The following ATP2C2 variants were observed in gnomAD, a reference collection of about 807,000 sequenced individuals.
ATP2C2 encodes calcium-transporting ATPase type 2C member 2.
A neutral mutation model predicts 110.8 loss-of-function variants in ATP2C2; 171 were observed. The observed-to-expected ratio is 1.54, with a 90% confidence interval of 1.36 to 1.75. The LOEUF (loss-of-function observed/expected upper bound fraction) is 1.75. Ranked by LOEUF, ATP2C2 falls within the 40% of genes most tolerant of loss-of-function variation. ATP2C2 has a pLI of 0.00. For missense variants in ATP2C2, 1,963 were observed against 1,235.0 expected (o/e 1.59, Z -8.84); for synonymous variants, 804 against 508.4 (o/e 1.58, Z -7.82).
intron 23 of ATP2C2, 65 bp from the exon 24 acceptor site, chr16:84,460,589 T>A (rs764795371): frequency 1.2e-6 from 2 of 1,609,872 alleles, no homozygotes; most frequent in African/African-American, 2.7e-5. Context: ...CAGGCACAGC[T>A]GTTTCAAGGG....
chr16:84,450,497 C>G (rs556771061), intron 17 of ATP2C2, among the ~76,000 whole-genome samples: 3 of 152,152 alleles, frequency 2.0e-5, no homozygotes, highest in South Asian at 4.2e-4. Flanking sequence ...GGAGTATCCT[C>G]TTGGGATAGA....
intron 6 of ATP2C2, among the ~76,000 whole-genome samples, chr16:84,413,153 C>A (rs141952388): frequency 9.8e-4 from 149 of 151,896 alleles, no homozygotes; most frequent in African/African-American, 3.5e-3. Context: ...ACAACTCAGC[C>A]CACCCTCTGA....
Position 84,385,840 on chromosome 16 carries a change from G to A in ATP2C2, c.100-12659G>A, listed in dbSNP as rs541084806. Among the ~76,000 whole-genome samples the A allele has an allele frequency of 3.9e-5, 6 of 152,260 alleles. No homozygotes were observed. In the East Asian group the frequency reaches 5.8e-4, roughly 15 times the overall value. On this transcript the variant is annotated intron_variant, in intron 1 of 26. Transcript: ENST00000262429. Reference sequence around the variant, plus strand: ...CCGCCATCTAATCACCTCCCATGAGGTCCCTTCCCCAACATGCGGGGATTA... The same window carrying A: ...CCGCCATCTAATCACCTCCCATGAGATCCCTTCCCCAACATGCGGGGATTA...
chr16:84,444,489 A>G (rs1301417903), intron 15 of ATP2C2, among the ~76,000 whole-genome samples: 1 of 152,112 alleles, frequency 6.6e-6, no homozygotes, highest in South Asian at 2.1e-4. Context: ...ACAAACAGAA[A>G]TCATGACATC....
chr16:84,389,122 C>G (rs11644710), intron 1 of ATP2C2, among the ~76,000 whole-genome samples: 4 of 152,052 alleles, frequency 2.6e-5, no homozygotes, highest in Admixed American at 6.6e-5. Flanking sequence ...CTTTCTCTGC[C>G]TCTTCTCTTT....
chr16:84,379,672 T>C (rs541810871), intron 1 of ATP2C2, among the ~76,000 whole-genome samples: 1 of 152,326 alleles, frequency 6.6e-6, no homozygotes, highest in African/African-American at 2.4e-5. Flanking sequence ...GTACTGCTGC[T>C]CTGGGTGATT....
At chr16:84,414,104 G>A (rs946480747) in intron 6 of ATP2C2, among the ~76,000 whole-genome samples, 4 of 152,202 alleles carry the variant, frequency 2.6e-5, no homozygotes, top group African/African-American at 9.7e-5. Context: ...CGATCAGGCT[G>A]ACATTTAGAG....
chr16:84,458,920 C>T (rs569983307), intron 21 of ATP2C2, among the ~76,000 whole-genome samples, 200 bp from the exon 22 acceptor site: 5 of 152,278 alleles, frequency 3.3e-5, no homozygotes, highest in Admixed American at 6.5e-5. Flanking sequence ...AGGATCAGTT[C>T]CCAGTGGCCG....
chr16:84,439,273 C>T lies in ATP2C2; in HGVS notation c.1094C>T (p.Pro365Leu). The change falls in exon 12 of 27, where the codon CCC becomes CTC. Residue 365 changes from proline (P) to leucine (L), a missense_variant. By Grantham distance (98) the Pro-to-Leu change is moderately conservative. Coordinates refer to ENST00000262429, the MANE Select transcript of ATP2C2 (RefSeq NM_014861.4). ...AKKRVIVKKL[P>L]IVETLGCCSV... Reference sequence around the variant, plus strand: ...AAGCGGGTCATCGTGAAGAAGTTACCCATCGTGGAGACTTTAGGTGAGGGA... The same window carrying T: ...AAGCGGGTCATCGTGAAGAAGTTACTCATCGTGGAGACTTTAGGTGAGGGA... 6.2e-7 allele frequency: 1 copy of T among 1,612,742 alleles called. No individual in the cohort carries two copies. The highest frequency in any genetic ancestry group is 8.5e-7 in the Non-Finnish European group (1 of 1,180,012).
chr16:84,460,781 C>T lies in ATP2C2; in HGVS notation c.2461C>T (p.Leu821Phe), dbSNP rs1324002928. ...CGCGGCCATCATCATCAGCGGGACC[C>T]TCTTTATCTTCTGGAAGGAGGTGAG... is the stretch of plus-strand genomic sequence containing the variant. The part of the protein sequence containing the change: ...MSAAIIISGT[L>F]FIFWKEMPED... The change falls in exon 24 of 27, where the codon CTC (leucine) becomes TTC (phenylalanine). Residue 821 changes from leucine (L) to phenylalanine (F), a missense_variant. Leu to Phe is a conservative substitution (Grantham distance 22, BLOSUM62 0). Transcript: ENST00000262429. 1.8e-5 allele frequency: 29 copies of T among 1,613,256 alleles called. No individual in the cohort carries two copies. The highest frequency in any genetic ancestry group is 2.7e-5 in the African/African-American group (2 of 74,906).
At chr16:84,415,393 GTGT>G in intron 6 of ATP2C2, 87 bp from the exon 7 acceptor site, 2 of 1,075,662 alleles carry the variant, frequency 1.9e-6, no homozygotes, top group Non-Finnish European at 2.9e-6. Flanking sequence ...AGAGAAAAGT[GTGT>G]TTCTATTCTC....
At chr16:84,449,523 C>T (rs188472079) in intron 17 of ATP2C2, among the ~76,000 whole-genome samples, 14 of 152,282 alleles carry the variant, frequency 9.2e-5, no homozygotes, top group Admixed American at 5.2e-4. Context: ...GCAGTGACTT[C>T]ATTGATTGCT....
chr16:84,410,725 CT>C lies in ATP2C2; in HGVS notation c.476del (p.Leu159ArgfsTer4). 1.2e-6 allele frequency: 2 copies of C among 1,614,186 alleles called. No individual in the cohort carries two copies. Among genetic ancestry groups the C allele is most frequent in the South Asian group, 2.2e-5 (2 of 91,072 alleles). On this transcript the variant is annotated frameshift_variant, in exon 6 of 27. Coordinates refer to ENST00000262429, the MANE Select transcript of ATP2C2 (RefSeq NM_014861.4). LOFTEE classifies it high-confidence loss of function. The stretch of plus-strand genomic sequence containing the variant: ...CCAGGAGTACAGGTCGGAGAAATCT[CT>C]GGAAGAGCTGACCAAGCTGGTTCCT... ...FIQEYRSEKSLEELTKLVPPE... is the reference protein window; with the variant it reads ...FIQEYRSEKSXEELTKLVPPE...
chr16:84,385,990 C>G (rs1324429163), intron 1 of ATP2C2, among the ~76,000 whole-genome samples: 1 of 152,200 alleles, frequency 6.6e-6, no homozygotes, highest in East Asian at 1.9e-4. Flanking sequence ...GCTTCATTGT[C>G]TTAATTTGGC....
At chr16:84,411,831 T>G (rs247820) in intron 6 of ATP2C2, among the ~76,000 whole-genome samples, 2 of 152,050 alleles carry the variant, frequency 1.3e-5, no homozygotes, top group African/African-American at 2.4e-5. Context: ...CAGCTCAGCT[T>G]AGAACATCTG....
chr16:84,463,555 C>CT (rs1372281835), intron 26 of ATP2C2, 59 bp from the exon 27 acceptor site: 9 of 1,468,896 alleles, frequency 6.1e-6, no homozygotes, highest in South Asian at 1.1e-5. Flanking sequence ...AAGGCGCTTC[C>CT]TGCCGGCGCA....
intron 1 of ATP2C2, among the ~76,000 whole-genome samples, chr16:84,371,354 A>G (rs1445895082): frequency 6.6e-6 from 1 of 152,158 alleles, no homozygotes; most frequent in East Asian, 1.9e-4. Context: ...CCATCTCTGC[A>G]AAAAATTAGG....
intron 1 of ATP2C2, among the ~76,000 whole-genome samples, chr16:84,388,928 T>C (rs8048642): frequency 1 from 151,606 of 152,232 alleles, 75,493 homozygotes; most frequent in Middle Eastern, 1. Context: ...GGCGCCACCA[T>C]GCTCGGCTAA....
chr16:84,463,690 T>TTGCAGCCCCAAGAGAGTCCAGA lies in ATP2C2; in HGVS notation c.2804_2825dup (p.His942GlnfsTer10), dbSNP rs748877392. Reference sequence around the variant, plus strand: ...TCCTCAAACTATGTGAAAAATACTGTTGCAGCCCCAAGAGAGTCCAGATGC... The same window carrying TTGCAGCCCCAAGAGAGTCCAGA: ...TCCTCAAACTATGTGAAAAATACTGTTGCAGCCCCAAGAGAGTCCAGATGCAGCCCCAAGAGAGTCCAGATGC... On this transcript the variant is annotated frameshift_variant, in exon 27 of 27. Coordinates refer to ENST00000262429, the MANE Select transcript of ATP2C2 (RefSeq NM_014861.4). LOFTEE classifies it low-confidence loss of function (END_TRUNC). 1.2e-6 allele frequency: 2 copies of TTGCAGCCCCAAGAGAGTCCAGA among 1,614,090 alleles called. No homozygotes were observed. The highest frequency in any genetic ancestry group is 2.7e-5 in the African/African-American group (2 of 74,934).
Sources: allele counts gnomAD v4.1 joint callset (sites outside exome capture counted in the v4.1 genomes callset), GRCh38; gene constraint gnomAD v4.1.1; transcripts MANE v1.5; gene names NCBI Gene and HGNC (gene_info 2026-07-23, HGNC 2026-07-21).